The following SPATS2 variants were observed in gnomAD, a reference collection of about 807,000 sequenced individuals.
SPATS2 encodes spermatogenesis associated serine rich 2, also known as spermatogenesis-associated serine-rich protein 2.
In SPATS2, 38 loss-of-function variants were observed where a neutral mutation model predicts 63.7. That is an observed-to-expected ratio of 0.60 (90% CI 0.46 to 0.78). The LOEUF (loss-of-function observed/expected upper bound fraction) is 0.78. SPATS2 is among the 30% of genes least tolerant of loss of function. SPATS2 has a pLI of 0.00. For missense variants in SPATS2, 588 were observed against 666.2 expected (o/e 0.88, Z 1.29); for synonymous variants, 207 against 232.9 (o/e 0.89, Z 1.01).
At chr12:49,398,627 A>G (rs749857715) in intron 2 of SPATS2, among the ~76,000 whole-genome samples, 32 of 152,206 alleles carry the variant, frequency 2.1e-4, no homozygotes, top group Non-Finnish European at 3.8e-4. Flanking sequence ...GGATGAACTT[A>G]GTTGAGATGT....
At chr12:49,425,449 A>G (rs1487590302) in intron 2 of SPATS2, among the ~76,000 whole-genome samples, 1 of 152,074 alleles carries the variant, frequency 6.6e-6, no homozygotes, top group African/African-American at 2.4e-5. Flanking sequence ...CCTCCCGAGT[A>G]GCTGGGACTA....
At chr12:49,414,458 CAG>C (rs1234099125) in intron 2 of SPATS2, among the ~76,000 whole-genome samples, 1 of 152,024 alleles carries the variant, frequency 6.6e-6, no homozygotes, top group Non-Finnish European at 1.5e-5. Context: ...AAAAGTTCAA[CAG>C]AGACTGTATA....
At chr12:49,490,027 G>A (rs190206266) in intron 5 of SPATS2, 43 of 154,186 alleles carry the variant, frequency 2.8e-4, no homozygotes, top group Admixed American at 4.5e-4. Context: ...TATCTAATAC[G>A]TAGAAGAATG....
intron 2 of SPATS2, among the ~76,000 whole-genome samples, chr12:49,398,154 A>G (rs1944545289): frequency 6.6e-6 from 1 of 150,746 alleles, no homozygotes; most frequent in South Asian, 2.1e-4. Flanking sequence ...AAAAAAAAAA[A>G]AAAAAAGAAA....
chr12:49,392,432 T>C lies in SPATS2; in HGVS notation c.-244+21142T>C, dbSNP rs184946772. Among the ~76,000 whole-genome samples, 21 of 152,304 alleles carry C rather than the reference T, an allele frequency of 1.4e-4. No individual in the cohort carries two copies. In the East Asian group the frequency reaches 3.5e-3, roughly 25 times the overall value. ...CTTAAACCATGCTTACTGTGAAATA[T>C]TTCAGGCCAGGGTTGGTGGCTCACA... On this transcript the variant is annotated intron_variant, in intron 2 of 13. Transcript: ENST00000552918.
intron 2 of SPATS2, among the ~76,000 whole-genome samples, chr12:49,379,626 T>TG (rs1162319556): frequency 2.7e-5 from 4 of 147,856 alleles, no homozygotes; most frequent in African/African-American, 9.9e-5. Flanking sequence ...TAGTTCAATT[T>TG]TTTTTTTTTT....
At chr12:49,404,462 A>G (rs2137317101) in intron 2 of SPATS2, among the ~76,000 whole-genome samples, 1 of 151,928 alleles carries the variant, frequency 6.6e-6, no homozygotes, top group Admixed American at 6.6e-5. Flanking sequence ...AATTTTTTGT[A>G]AAGACTGGGT....
At chr12:49,406,758 C>G (rs952848590) in intron 2 of SPATS2, among the ~76,000 whole-genome samples, 3 of 151,468 alleles carry the variant, frequency 2.0e-5, no homozygotes, top group African/African-American at 7.3e-5. Context: ...GTTCCAAGAT[C>G]AAGGCAGATT....
At chr12:49,385,867 GTT>G (rs910472041) in intron 2 of SPATS2, among the ~76,000 whole-genome samples, 1 of 138,272 alleles carries the variant, frequency 7.2e-6, no homozygotes, top group African/African-American at 3.1e-5. Context: ...TTGTTTGTTT[GTT>G]TTTTGTTTTT....
chr12:49,389,469 C>A, intron 2 of SPATS2: 1 of 743,428 alleles, frequency 1.3e-6, no homozygotes, highest in Non-Finnish European at 2.4e-6. Context: ...TCCTCATCGC[C>A]ACAGCTGACG....
intron 8 of SPATS2, among the ~76,000 whole-genome samples, chr12:49,497,987 T>C (rs1946492247): frequency 6.6e-6 from 1 of 151,846 alleles, no homozygotes; most frequent in Non-Finnish European, 1.5e-5. Flanking sequence ...CATAGAAATA[T>C]AAAGGACACT....
At chr12:49,383,220 T>C (rs1370505380) in intron 2 of SPATS2, among the ~76,000 whole-genome samples, 1 of 152,002 alleles carries the variant, frequency 6.6e-6, no homozygotes, top group Non-Finnish European at 1.5e-5. Flanking sequence ...GGTTTCACCA[T>C]GTTTGCCAGG....
intron 2 of SPATS2, among the ~76,000 whole-genome samples, chr12:49,447,132 A>G (rs1159580859): frequency 1.3e-5 from 2 of 151,686 alleles, no homozygotes; most frequent in Non-Finnish European, 2.9e-5. Context: ...GTTTTGCCAT[A>G]TTGGCCAGGC....
At chr12:49,394,382 A>G (rs1432003146) in intron 2 of SPATS2, among the ~76,000 whole-genome samples, 1 of 151,288 alleles carries the variant, frequency 6.6e-6, no homozygotes, top group Non-Finnish European at 1.5e-5. Context: ...TGGATTCTGC[A>G]AAAAAAGTCT....
intron 10 of SPATS2, among the ~76,000 whole-genome samples, chr12:49,516,135 T>C (rs1946835265): frequency 7.5e-5 from 1 of 13,334 alleles, no homozygotes; most frequent in Non-Finnish European, 1.4e-4. Context: ...CAAGACTCCA[T>C]CTCAAAAAAA....
chr12:49,393,606 G>A (rs550128598), intron 2 of SPATS2, among the ~76,000 whole-genome samples: 2 of 152,252 alleles, frequency 1.3e-5, no homozygotes, highest in Admixed American at 6.5e-5. Flanking sequence ...TTGTTTTAGA[G>A]TGTGATTATA....
chr12:49,416,318 G>GA (rs1437015347), intron 2 of SPATS2, among the ~76,000 whole-genome samples: 1 of 151,992 alleles, frequency 6.6e-6, no homozygotes, highest in East Asian at 1.9e-4. Flanking sequence ...ATCTCAGAGG[G>GA]ATCCTCATTC....
intron 2 of SPATS2, among the ~76,000 whole-genome samples, chr12:49,389,052 AACATTCTATTT>A (rs1944371622): frequency 6.6e-6 from 1 of 151,978 alleles, no homozygotes; most frequent in South Asian, 2.1e-4. Context: ...TTTTAAGTTG[AACATTCTATTT>A]CTCTGTTTAG....
At chr12:49,430,955 G>A (rs1193918227) in intron 2 of SPATS2, among the ~76,000 whole-genome samples, 1 of 152,150 alleles carries the variant, frequency 6.6e-6, no homozygotes, top group Non-Finnish European at 1.5e-5. Context: ...CCGCCTCAGT[G>A]GGATTACAGG....
Sources: gnomAD v4.1 joint callset for allele counts (sites outside exome capture counted in the v4.1 genomes callset) on GRCh38, gnomAD v4.1.1 for gene constraint, MANE v1.5 for transcripts, NCBI Gene and HGNC (gene_info 2026-07-23, HGNC 2026-07-21) for gene names.